Variants in CRACD observed in about 807,000 individuals in gnomAD.
CRACD encodes the protein capping protein inhibiting regulator of actin dynamics, also known as capping protein-inhibiting regulator of actin dynamics.
A neutral mutation model predicts 106.8 loss-of-function variants in CRACD; 56 were observed. The observed-to-expected ratio is 0.52, with a 90% CI of 0.42 to 0.66. CRACD has a LOEUF of 0.66. Ranked by LOEUF, CRACD falls within the 30% of genes least tolerant of loss-of-function variation. The pLI is 0.00. For missense variants in CRACD, 1,730 were observed against 1,623.2 expected (o/e 1.07, Z -1.13); for synonymous variants, 754 against 670.8 (o/e 1.12, Z -1.92).
At chr4:56,174,439 T>C (rs1736499899) in intron 1 of CRACD, among the ~76,000 whole-genome samples, 1 of 152,156 alleles carries the variant, frequency 6.6e-6, no homozygotes, top group Non-Finnish European at 1.5e-5. Flanking sequence ...GTCATCCCCC[T>C]CTCCCTGCTT....
chr4:56,062,553 A>G (rs1732314589), intron 1 of CRACD, among the ~76,000 whole-genome samples: 1 of 152,192 alleles, frequency 6.6e-6, no homozygotes, highest in Admixed American at 6.5e-5. Flanking sequence ...TTTACCTTTC[A>G]TTGAGGATTA....
chr4:56,293,592 G>A (rs1743821127), intron 3 of CRACD, among the ~76,000 whole-genome samples: 8 of 152,190 alleles, frequency 5.3e-5, no homozygotes, highest in Admixed American at 5.2e-4. Flanking sequence ...CCACTTCTAA[G>A]GAGGCCTCAA....
intron 3 of CRACD, among the ~76,000 whole-genome samples, chr4:56,293,065 A>G (rs1483183431): frequency 6.6e-6 from 1 of 152,342 alleles, no homozygotes; most frequent in Non-Finnish European, 1.5e-5. Context: ...TTGAGATCTA[A>G]AATATACTTC....
intron 1 of CRACD, among the ~76,000 whole-genome samples, chr4:56,176,552 C>G (rs537131419): frequency 7.2e-5 from 11 of 151,996 alleles, no homozygotes; most frequent in Admixed American, 7.2e-4. Context: ...CCTCAGCCTC[C>G]CGAGTAGCTG....
intron 8 of CRACD, among the ~76,000 whole-genome samples, chr4:56,318,249 A>G (rs1745817820): frequency 6.6e-6 from 1 of 152,126 alleles, no homozygotes; most frequent in South Asian, 2.1e-4. Flanking sequence ...CTCCTGCCTA[A>G]GCCTCCTCGT....
intron 1 of CRACD, among the ~76,000 whole-genome samples, chr4:56,095,427 G>A (rs1248572656): frequency 1.3e-5 from 2 of 152,160 alleles, no homozygotes; most frequent in African/African-American, 2.4e-5. Flanking sequence ...AGGGAGTAGG[G>A]AATACGGCAA....
chr4:56,214,411 G>C (rs1366439737), intron 2 of CRACD, among the ~76,000 whole-genome samples: 1 of 150,098 alleles, frequency 6.7e-6, no homozygotes, highest in Non-Finnish European at 1.5e-5. Flanking sequence ...TGGCCAACAT[G>C]GTGAAAACTC....
chr4:56,100,244 C>T (rs1345790811), intron 1 of CRACD, among the ~76,000 whole-genome samples: 3 of 151,588 alleles, frequency 2.0e-5, no homozygotes, highest in Non-Finnish European at 2.9e-5. Flanking sequence ...CTCCATCTTG[C>T]GGGGACGGGG....
chr4:56,110,717 C>A lies in CRACD; in HGVS notation c.-336+61418C>A, dbSNP rs1352913663. 3.9e-5 allele frequency among the ~76,000 whole-genome samples: 6 copies of A among 152,128 alleles called. No individual in the cohort carries two copies. The South Asian group carries it at 1.0e-3, about 26-fold the overall frequency. ...GTTCAAATGATTCTTGTGCCTCAGC[C>A]TCCCGAGTAGCTGGGATTACAGGCA... On this transcript the variant is annotated intron_variant, in intron 1 of 10. Transcript: ENST00000682029.
At chr4:56,118,056 G>T (rs1734354995) in intron 1 of CRACD, among the ~76,000 whole-genome samples, 1 of 152,164 alleles carries the variant, frequency 6.6e-6, no homozygotes, top group Non-Finnish European at 1.5e-5. Flanking sequence ...ACTGCGCCCG[G>T]CTGCTTTATG....
intron 1 of CRACD, among the ~76,000 whole-genome samples, chr4:56,106,938 A>G (rs1733965025): frequency 6.6e-6 from 1 of 152,220 alleles, no homozygotes; most frequent in African/African-American, 2.4e-5. Context: ...AGCTGTGCAC[A>G]TGAGCATCTG....
At chr4:56,275,634 T>A (rs1367759551) in intron 3 of CRACD, among the ~76,000 whole-genome samples, 2 of 152,252 alleles carry the variant, frequency 1.3e-5, no homozygotes, top group African/African-American at 4.8e-5. Flanking sequence ...AAAAATGTTC[T>A]TTTCAGAAAT....
At chr4:56,100,071 T>C (rs1733729808) in intron 1 of CRACD, among the ~76,000 whole-genome samples, 1 of 152,104 alleles carries the variant, frequency 6.6e-6, no homozygotes, top group Non-Finnish European at 1.5e-5. Flanking sequence ...TGAAACCCTG[T>C]CTCTACTGAA....
chr4:56,276,783 G>T (rs1176508079), intron 3 of CRACD, among the ~76,000 whole-genome samples: 1 of 152,204 alleles, frequency 6.6e-6, no homozygotes, highest in African/African-American at 2.4e-5. Flanking sequence ...ATGTCTGCCT[G>T]CCTCCAGCTG....
chr4:56,110,195 A>G (rs1276921529), intron 1 of CRACD, among the ~76,000 whole-genome samples: 1 of 152,210 alleles, frequency 6.6e-6, no homozygotes, highest in Non-Finnish European at 1.5e-5. Context: ...GGCAGTAAAA[A>G]AATATAGTAA....
chr4:56,130,872 C>T (rs1322137678), intron 1 of CRACD, among the ~76,000 whole-genome samples: 2 of 152,126 alleles, frequency 1.3e-5, no homozygotes, highest in East Asian at 1.9e-4. Context: ...TCCACCTCTC[C>T]ATCTCCCTCT....
At chr4:56,285,692 C>T (rs546561577) in intron 3 of CRACD, among the ~76,000 whole-genome samples, 5 of 152,140 alleles carry the variant, frequency 3.3e-5, no homozygotes, top group Non-Finnish European at 7.4e-5. Context: ...GCCATCCTCC[C>T]GCTTTGGTCT....
chr4:56,168,550 G>T (rs780092754), intron 1 of CRACD, among the ~76,000 whole-genome samples: 1 of 151,392 alleles, frequency 6.6e-6, no homozygotes, highest in Non-Finnish European at 1.5e-5. Context: ...CTCATAAAAT[G>T]AGTCTCATTG....
chr4:56,269,444 C>T (rs1202366912), intron 2 of CRACD, among the ~76,000 whole-genome samples: 7 of 151,856 alleles, frequency 4.6e-5, no homozygotes, highest in African/African-American at 1.5e-4. Flanking sequence ...GGAAGCATGG[C>T]GCCAGCATCT....
Sources: allele counts gnomAD v4.1 joint callset (sites outside exome capture counted in the v4.1 genomes callset), GRCh38; gene constraint gnomAD v4.1.1; transcripts MANE v1.5; gene names NCBI Gene and HGNC (gene_info 2026-07-23, HGNC 2026-07-21).